Variants in DEUP1 observed in about 807,000 individuals in gnomAD.
DEUP1 encodes coiled-coil domain containing 67.
DEUP1 carries 82 observed loss-of-function variants against 87.4 expected under a neutral mutation model. The observed-to-expected ratio is 0.94, with a 90% confidence interval of 0.78 to 1.13. The LOEUF (loss-of-function observed/expected upper bound fraction) is 1.13. Among genes scored for constraint, DEUP1 ranks in the 50% most tolerant of loss-of-function variants. The pLI, the probability that DEUP1 is intolerant of heterozygous loss-of-function variation, is 0.00. For missense variants in DEUP1, 663 were observed against 681.5 expected, an observed-to-expected ratio of 0.97 and a Z score of 0.30; for synonymous variants, 214 against 222.7, an observed-to-expected ratio of 0.96 and a Z score of 0.35.
At chr11:93,379,916 A>G (rs1050662378) in intron 7 of DEUP1, among the ~76,000 whole-genome samples, 1 of 152,246 alleles carries the variant, frequency 6.6e-6, no homozygotes, top group Non-Finnish European at 1.5e-5. Flanking sequence ...AGAAGTCAAT[A>G]TAATTGTGAA....
chr11:93,332,843 C>T (rs1943559192), intron 2 of DEUP1, among the ~76,000 whole-genome samples: 1 of 152,212 alleles, frequency 6.6e-6, no homozygotes, highest in African/African-American at 2.4e-5. Flanking sequence ...TTACCTGCTA[C>T]CTGCATCACA....
chr11:93,379,336 T>G (rs1946191919), intron 7 of DEUP1, among the ~76,000 whole-genome samples: 1 of 152,184 alleles, frequency 6.6e-6, no homozygotes, highest in Non-Finnish European at 1.5e-5. Context: ...CAACTCCACC[T>G]TTCTCCTCCT....
chr11:93,436,216 T>A (rs528074884), intron 13 of DEUP1, among the ~76,000 whole-genome samples: 32 of 152,166 alleles, frequency 2.1e-4, no homozygotes, highest in Non-Finnish European at 4.4e-4. Context: ...CATCTTTCCA[T>A]CCCTTTAACA....
chr11:93,403,654 A>G (rs910930938), intron 11 of DEUP1, among the ~76,000 whole-genome samples: 2 of 151,740 alleles, frequency 1.3e-5, no homozygotes, highest in East Asian at 1.9e-4. Context: ...TATTCTTTTC[A>G]TACATTTTTC....
At chr11:93,399,828 A>C (rs10831033) in intron 11 of DEUP1, among the ~76,000 whole-genome samples, 159 of 151,538 alleles carry the variant, frequency 1.0e-3, no homozygotes, top group African/African-American at 3.6e-3. Context: ...TTTCTTTTTG[A>C]TCATATACCA....
chr11:93,345,120 C>T (rs1013392224), intron 2 of DEUP1, among the ~76,000 whole-genome samples: 3 of 152,072 alleles, frequency 2.0e-5, no homozygotes, highest in South Asian at 2.1e-4. Flanking sequence ...TTTAGTTTTC[C>T]GTTCCTTTGC....
At position 93,435,041 on chromosome 11, in the gene DEUP1, G is replaced by T. The variant is rs144518158; in HGVS notation, c.1639-2502G>T. Among the ~76,000 whole-genome samples, 420 of 152,316 alleles carry T rather than the reference G, an allele frequency of 2.8e-3. 3 individuals carry two copies. Among genetic ancestry groups the T allele is most frequent in the Non-Finnish European group, 3.8e-3 (260 of 68,024 alleles). On this transcript the variant is annotated intron_variant, in intron 13 of 13. Coordinates refer to ENST00000298050, the MANE Select transcript of DEUP1 (RefSeq NM_181645.4). ...CACTGCCATACTCTTTTGCTATAAA[G>T]TAGGTACCTTTACTATTAAGCAGGG...
chr11:93,430,555 T>C (rs1948073002), intron 13 of DEUP1, among the ~76,000 whole-genome samples: 2 of 152,030 alleles, frequency 1.3e-5, no homozygotes. Flanking sequence ...ACTGAAACAA[T>C]GTAGATTGGT....
intron 2 of DEUP1, among the ~76,000 whole-genome samples, chr11:93,335,423 A>G (rs1565287434): frequency 6.6e-6 from 1 of 152,274 alleles, no homozygotes; most frequent in East Asian, 1.9e-4. Context: ...AATTGTTGTT[A>G]TTATGTTTAA....
intron 5 of DEUP1, among the ~76,000 whole-genome samples, chr11:93,364,635 C>T (rs1945324776): frequency 6.6e-6 from 1 of 151,866 alleles, no homozygotes; most frequent in Admixed American, 6.6e-5. Flanking sequence ...TTTTAATGGC[C>T]ATTTAGCTAT....
intron 13 of DEUP1, among the ~76,000 whole-genome samples, chr11:93,418,366 G>T (rs1214123136): frequency 6.6e-6 from 1 of 151,926 alleles, no homozygotes; most frequent in Non-Finnish European, 1.5e-5. Flanking sequence ...CAAAAAGTGG[G>T]CGAAGGACAT....
chr11:93,428,690 A>T (rs990297905), intron 13 of DEUP1, among the ~76,000 whole-genome samples: 8 of 152,212 alleles, frequency 5.3e-5, no homozygotes, highest in Non-Finnish European at 1.2e-4. Flanking sequence ...GACAGCCATA[A>T]TCACAATCTA....
intron 12 of DEUP1, among the ~76,000 whole-genome samples, chr11:93,410,552 A>T (rs568487251): frequency 6.6e-6 from 1 of 152,296 alleles, no homozygotes; most frequent in South Asian, 2.1e-4. Context: ...GAGAAAAGCA[A>T]ACCCATGAAG....
intron 7 of DEUP1, among the ~76,000 whole-genome samples, chr11:93,373,872 T>A (rs1247102715): frequency 6.6e-6 from 1 of 152,034 alleles, no homozygotes; most frequent in Non-Finnish European, 1.5e-5. Flanking sequence ...CCACATTGTT[T>A]TCCTTAGTGG....
At chr11:93,332,559 CCTCGTGTGCT>C (rs1943544440) in intron 2 of DEUP1, among the ~76,000 whole-genome samples, 1 of 152,178 alleles carries the variant, frequency 6.6e-6, no homozygotes, top group African/African-American at 2.4e-5. Context: ...CGGAGGCAGG[CCTCGTGTGCT>C]CTTCTGTTAC....
intron 7 of DEUP1, among the ~76,000 whole-genome samples, chr11:93,384,505 C>T (rs956644528): frequency 2.6e-5 from 4 of 152,206 alleles, no homozygotes; most frequent in African/African-American, 9.6e-5. Context: ...TTTACCTCTA[C>T]TCTCTTCTAA....
At chr11:93,377,205 G>T (rs539159826) in intron 7 of DEUP1, among the ~76,000 whole-genome samples, 1 of 152,308 alleles carries the variant, frequency 6.6e-6, no homozygotes, top group Admixed American at 6.5e-5. Flanking sequence ...AGTGCTGTCA[G>T]TGGAGTATTG....
At chr11:93,370,036 C>A in intron 5 of DEUP1, 37 bp from the exon 6 acceptor site, 1 of 1,035,540 alleles carries the variant, frequency 9.7e-7, no homozygotes, top group Non-Finnish European at 1.5e-6. Flanking sequence ...AAATGAATAA[C>A]ATTTTTAAAT....
rs765335574 is a variant in DEUP1 at position 93,394,552 on chromosome 11, C to G, written c.1135C>G (p.Gln379Glu). ...CTCTGACCTAACAGAAGAGCTTCAT[C>G]AGAAGGAGATCACTATAGCAACTGT... Reference protein sequence around the residue: ...EISDLTEELHQKEITIATVTK... With the variant: ...EISDLTEELHEKEITIATVTK... Residue 379 changes from glutamine (Q) to glutamate (E), a missense_variant, in exon 10 of 14, where the codon CAG (glutamine) becomes GAG (glutamate). Coordinates refer to ENST00000298050, the MANE Select transcript of DEUP1 (RefSeq NM_181645.4). The G allele has an allele frequency of 1.9e-6, 3 of 1,612,590 alleles. No individual in the cohort carries two copies. In the African/African-American group the frequency reaches 4.0e-5, roughly 22 times the overall value.
Sources: gnomAD v4.1 joint callset for allele counts (sites outside exome capture counted in the v4.1 genomes callset) on GRCh38, gnomAD v4.1.1 for gene constraint, MANE v1.5 for transcripts, NCBI Gene and HGNC (gene_info 2026-07-23, HGNC 2026-07-21) for gene names.